The following CHL1 variants were observed in gnomAD, a reference collection of about 807,000 sequenced individuals.
CHL1 encodes neural cell adhesion molecule L1-like protein.
Under a neutral mutation model 141.9 loss-of-function variants are expected in CHL1, and 96 were observed. The observed-to-expected ratio is 0.68, with a 90% confidence interval of 0.57 to 0.80. CHL1 has a LOEUF of 0.80. Ranked by LOEUF, CHL1 falls within the 30% of genes least tolerant of loss-of-function variation. The pLI is 0.00. For synonymous variants in CHL1, 613 were observed against 502.2 expected, an observed-to-expected ratio of 1.22 and a Z score of -2.95; for missense variants, 1,820 against 1,457.2, an observed-to-expected ratio of 1.25 and a Z score of -4.05.
intron 1 of CHL1, among the ~76,000 whole-genome samples, chr3:233,739 C>G (rs1471060752): frequency 6.6e-6 from 1 of 152,010 alleles, no homozygotes; most frequent in Non-Finnish European, 1.5e-5. Context: ...ATTCAATATT[C>G]TTTAAAAACA....
At position 401,683 on chromosome 3, in the gene CHL1, C is replaced by G; in HGVS notation, c.3443C>G (p.Thr1148Ser). The change falls in exon 27 of 28, where the codon ACC becomes AGC. Residue 1148 changes from threonine to serine, a missense_variant. Physicochemically the swap from Thr to Ser is moderately conservative, Grantham distance 58 (BLOSUM62 1). Transcript: ENST00000256509. ...DPEIQSVKDETFGEYSDSDEK... is the reference protein window; with the variant it reads ...DPEIQSVKDESFGEYSDSDEK... ...GAAATTCAGTCAGTAAAAGATGAAA[C>G]CTTTGGTGAATACAGGTAAACATAA... 6.3e-7 allele frequency: 1 copy of G among 1,583,744 alleles called. No homozygotes were observed. The highest frequency in any genetic ancestry group is 1.1e-5 in the South Asian group (1 of 87,066).
intron 9 of CHL1, among the ~76,000 whole-genome samples, chr3:347,807 G>T (rs967603485): frequency 1.3e-5 from 2 of 152,158 alleles, no homozygotes; most frequent in Non-Finnish European, 2.9e-5. Context: ...GTCTGCCCAG[G>T]CATCATTACC....
chr3:330,627 C>T (rs1575084667), intron 5 of CHL1, among the ~76,000 whole-genome samples: 1 of 151,976 alleles, frequency 6.6e-6, no homozygotes, highest in Non-Finnish European at 1.5e-5. Context: ...AGAATCTATA[C>T]ACTTAAAATG....
intron 1 of CHL1, among the ~76,000 whole-genome samples, chr3:238,719 G>T (rs904098532): frequency 1.3e-5 from 2 of 151,728 alleles, no homozygotes; most frequent in Non-Finnish European, 2.9e-5. Context: ...GAGGTCAGGA[G>T]TTCGAGACCA....
At chr3:346,562 A>T (rs1344390255) in intron 9 of CHL1, among the ~76,000 whole-genome samples, 1 of 152,288 alleles carries the variant, frequency 6.6e-6, no homozygotes, top group Middle Eastern at 3.4e-3. Context: ...AAATGCTCTC[A>T]TGTGCTTTTT....
chr3:303,207 A>T (rs1669342527), intron 2 of CHL1, among the ~76,000 whole-genome samples: 1 of 152,086 alleles, frequency 6.6e-6, no homozygotes, highest in Non-Finnish European at 1.5e-5. Flanking sequence ...CTTGCCCAGG[A>T]TTGTTTTGGA....
At chr3:322,617 C>T (rs1280150062) in intron 3 of CHL1, among the ~76,000 whole-genome samples, 2 of 137,856 alleles carry the variant, frequency 1.5e-5, no homozygotes, top group East Asian at 4.1e-4. Flanking sequence ...GTAATGAGAC[C>T]TCATCTCTAA....
At chr3:313,785 T>G (rs762564764) in intron 2 of CHL1, among the ~76,000 whole-genome samples, 3 of 152,142 alleles carry the variant, frequency 2.0e-5, no homozygotes, top group Non-Finnish European at 2.9e-5. Flanking sequence ...GGAAACATAA[T>G]GCAAAGTTGG....
At chr3:320,067 C>T (rs1024109787) in intron 3 of CHL1, among the ~76,000 whole-genome samples, 200 bp downstream of exon 3, 2 of 151,910 alleles carry the variant, frequency 1.3e-5, no homozygotes, top group African/African-American at 4.8e-5. Context: ...TTTTGCAACC[C>T]AGGCTTTTAG....
At chr3:252,342 A>G (rs13317495) in intron 2 of CHL1, among the ~76,000 whole-genome samples, 39,887 of 129,372 alleles carry the variant, frequency 0.31, 7,570 homozygotes, top group African/African-American at 0.52. Context: ...GTAGAGCCAC[A>G]GATTTAAGAA....
chr3:338,851 C>T (rs984170132), intron 5 of CHL1, among the ~76,000 whole-genome samples: 1 of 152,120 alleles, frequency 6.6e-6, no homozygotes, highest in African/African-American at 2.4e-5. Context: ...TTAATTAATG[C>T]AAGGATGATA....
chr3:309,830 T>G (rs993279945), intron 2 of CHL1, among the ~76,000 whole-genome samples: 7 of 152,218 alleles, frequency 4.6e-5, no homozygotes, highest in Non-Finnish European at 1.0e-4. Flanking sequence ...TTTTTCTAAT[T>G]AGTTTTCTAC....
chr3:216,436 T>C (rs1184616341), intron 1 of CHL1, among the ~76,000 whole-genome samples: 4 of 152,228 alleles, frequency 2.6e-5, no homozygotes, highest in Non-Finnish European at 5.9e-5. Context: ...GAACATTTTC[T>C]TTCATAAAGC....
intron 1 of CHL1, among the ~76,000 whole-genome samples, chr3:212,418 T>A (rs1699975649): frequency 6.6e-6 from 1 of 152,172 alleles, no homozygotes; most frequent in African/African-American, 2.4e-5. Context: ...TTCCCCTCAA[T>A]ACACTGAGAT....
chr3:356,184 G>A (rs943457908), intron 11 of CHL1, among the ~76,000 whole-genome samples: 1 of 152,158 alleles, frequency 6.6e-6, no homozygotes, highest in South Asian at 2.1e-4. Context: ...ATAATAATGA[G>A]GTTTTGGGTA....
In CHL1 at chr3:219,330, C is replaced by A. The variant is rs1700619756; in HGVS notation, c.-175+22267C>A. On this transcript the variant is annotated intron_variant, in intron 1 of 27. Coordinates refer to ENST00000256509, the MANE Select transcript of CHL1 (RefSeq NM_006614.4). ...CTGCAATCCCATTACTATATATATT[C>A]CCAAAGGAATATAAATTTTTACATT... 3.3e-5 allele frequency among the ~76,000 whole-genome samples: 5 copies of A among 152,114 alleles called. No individual in the cohort carries two copies. In the South Asian group the frequency reaches 1.0e-3, roughly 32 times the overall value.
intron 2 of CHL1, among the ~76,000 whole-genome samples, chr3:297,532 A>G (rs1376567651): frequency 6.6e-6 from 1 of 152,226 alleles, no homozygotes; most frequent in African/African-American, 2.4e-5. Flanking sequence ...TTCTCAAAGA[A>G]TATTGCTATT....
chr3:309,693 T>A (rs1357251065), intron 2 of CHL1, among the ~76,000 whole-genome samples: 2 of 152,066 alleles, frequency 1.3e-5, no homozygotes, highest in Admixed American at 6.6e-5. Context: ...AAAGAAAATC[T>A]TTGTAGAGAT....
chr3:406,308 A>G lies in CHL1; in HGVS notation c.*597A>G, dbSNP rs1185389755. 2 of 152,106 alleles carry G rather than the reference A, an allele frequency of 1.3e-5. No individual in the cohort carries two copies. The highest frequency in any genetic ancestry group is 1.9e-4 in the East Asian group (1 of 5,202). The allele number at this position is 152,106 out of a possible 1,614,324, so 9.4% of individuals were successfully genotyped here. ...AGCTCCTATTTGCCCAGAGATGGTC[A>G]TATTTAAACAGAAGTATACGTTTTT... On this transcript the variant is annotated 3_prime_UTR_variant, in exon 28 of 28. Transcript: ENST00000256509.
Sources: allele counts gnomAD v4.1 joint callset (sites outside exome capture counted in the v4.1 genomes callset), GRCh38; gene constraint gnomAD v4.1.1; transcripts MANE v1.5; gene names NCBI Gene and HGNC (gene_info 2026-07-23, HGNC 2026-07-21).